SLC5A1: variants seen among roughly 807,000 people sequenced by gnomAD.
SLC5A1 encodes sodium/glucose cotransporter 1.
A neutral mutation model predicts 73.5 loss-of-function variants in SLC5A1; 42 were observed. The observed-to-expected ratio is 0.57, with a 90% CI of 0.45 to 0.74. The LOEUF is 0.74. Among genes scored for constraint, SLC5A1 ranks in the 30% least tolerant of loss-of-function variants. The pLI is 0.00. For synonymous variants in SLC5A1, 300 were observed against 317.4 expected (o/e 0.95, Z 0.58); for missense variants, 634 against 855.4 (o/e 0.74, Z 3.23).
At position 32,099,103 on chromosome 22, in the gene SLC5A1, AAAATAT is replaced by A. The variant is rs1458638971; in HGVS notation, c.1281-78_1281-73del. 9.0e-3 allele frequency: 729 copies of A among 80,604 alleles called. 1 individual carries two copies. Among genetic ancestry groups the A allele is most frequent in the African/African-American group, 0.054 (647 of 12,086 alleles). 5.0% of individuals were successfully genotyped at this position (80,604 alleles called of 1,614,324 possible). ...CTGTCTCAAAAAAAAAAAAAAAAAAAAAATATATATATATATATATATATATATACT... is the reference window on the plus strand; with the variant it reads ...CTGTCTCAAAAAAAAAAAAAAAAAAAATATATATATATATATATATATACT... On this transcript the variant is annotated intron_variant, in intron 11 of 14. Transcript: ENST00000266088.
intron 9 of SLC5A1, among the ~76,000 whole-genome samples, 176 bp from the exon 10 acceptor site, chr22:32,086,044 G>A (rs2094007629): frequency 1.3e-5 from 2 of 151,978 alleles, no homozygotes; most frequent in South Asian, 4.1e-4. Context: ...GGGAGGCTGA[G>A]GCAGGAGAAT....
chr22:32,106,745 CCTCT>C (rs1219515000), intron 14 of SLC5A1, among the ~76,000 whole-genome samples: 5 of 152,190 alleles, frequency 3.3e-5, no homozygotes, highest in African/African-American at 1.2e-4. Flanking sequence ...TGCAACTTTT[CCTCT>C]CTATGTGGGA....
rs752161228 is a variant in SLC5A1, at chr22:32,068,029, AAG to A, written c.372+4_372+5del. The A allele has an allele frequency of 4.4e-5, 71 of 1,613,378 alleles. No individual in the cohort carries two copies. Among genetic ancestry groups the A allele is most frequent in the Non-Finnish European group, 5.5e-5 (65 of 1,179,334 alleles). ...TCCCCATCTATATTAAGGCTGGGGT[AAG>A]TATCTGCTCTGTTATTTCATTTCCT... On this transcript the variant is annotated splice_donor_5th_base_variant and intron_variant, in intron 4 of 14. Coordinates refer to ENST00000266088, the MANE Select transcript of SLC5A1 (RefSeq NM_000343.4).
At chr22:32,101,493 C>T (rs9609425) in intron 12 of SLC5A1, among the ~76,000 whole-genome samples, 1 of 152,104 alleles carries the variant, frequency 6.6e-6, no homozygotes, top group African/African-American at 2.4e-5. Context: ...ACAAAGAGGG[C>T]TAAAAAAGTA....
chr22:32,044,782 C>G (rs1171543129), intron 1 of SLC5A1, among the ~76,000 whole-genome samples: 1 of 152,110 alleles, frequency 6.6e-6, no homozygotes, highest in Non-Finnish European at 1.5e-5. Flanking sequence ...ATGACTCCCC[C>G]ATGGTTGTGG....
rs879371812 is a variant in SLC5A1 at position 32,060,184 on chromosome 22, C to T, written c.208-6751C>T. ...ACACACACACACACACACACACACACACATATATATATATATTTTTTTAAG... is the reference window on the plus strand; with the variant it reads ...ACACACACACACACACACACACACATACATATATATATATATTTTTTTAAG... On this transcript the variant is annotated intron_variant, in intron 2 of 14. Coordinates refer to ENST00000266088, the MANE Select transcript of SLC5A1 (RefSeq NM_000343.4). Among the ~76,000 whole-genome samples, 347 of 107,922 alleles carry T rather than the reference C, an allele frequency of 3.2e-3. 1 individual carries two copies. Among genetic ancestry groups the T allele is most frequent in the Non-Finnish European group, 6.3e-3 (294 of 46,894 alleles). 70.8% of individuals were successfully genotyped at this position (107,922 alleles called of 152,430 possible). A position where few individuals can be genotyped will look rare whatever the true frequency, so the allele number is the denominator to read the frequency against.
chr22:32,085,900 G>T (rs1234914883), intron 9 of SLC5A1, among the ~76,000 whole-genome samples: 1 of 152,132 alleles, frequency 6.6e-6, no homozygotes, highest in Non-Finnish European at 1.5e-5. Context: ...CCAGCACTTT[G>T]GGAGGCTGAG....
Position 32,043,543 on chromosome 22 carries a change from C to T in SLC5A1, c.135+127C>T. On this transcript the variant is annotated intron_variant, in intron 1 of 14. Transcript: ENST00000266088. This position sits in a 1 kb window ranked among gnomAD's most constrained non-coding sequence, Gnocchi z 6.5. ...GGGGAGAGGAAATGACTTGGAAGCA[C>T]TTTAGAAGCACTCAGAGGCACAGCA... The T allele has an allele frequency of 9.9e-7, 1 of 1,012,990 alleles. No homozygotes were observed. The highest frequency in any genetic ancestry group is 1.5e-6 in the Non-Finnish European group (1 of 663,950). 62.8% of individuals were successfully genotyped at this position (1,012,990 alleles called of 1,614,324 possible). A position where few individuals can be genotyped will look rare whatever the true frequency, so the allele number is the denominator to read the frequency against.
Position 32,110,126 on chromosome 22 carries a change from T to A in SLC5A1, c.1908T>A (p.Ser636=), listed in dbSNP as rs941394348. 2.5e-6 allele frequency: 4 copies of A among 1,614,072 alleles called. No individual in the cohort carries two copies. The highest frequency in any genetic ancestry group is 3.4e-6 in the Non-Finnish European group (4 of 1,180,006). The change falls in exon 15 of 15, where the codon TCT becomes TCA. Residue 636 remains serine, a synonymous_variant. Coordinates refer to ENST00000266088, the MANE Select transcript of SLC5A1 (RefSeq NM_000343.4). The stretch of plus-strand genomic sequence containing the variant: ...TGAAGATGAAGATGACGGACACCTC[T>A]GAGAAGCCTTTGTGGAGGACAGTGT... ...KAMKMKMTDT[S]EKPLWRTVLN...
intron 5 of SLC5A1, among the ~76,000 whole-genome samples, chr22:32,080,538 G>C (rs2093998023): frequency 6.6e-6 from 1 of 152,166 alleles, no homozygotes. Context: ...CAAGATATAA[G>C]AGGAGATGTG....
intron 10 of SLC5A1, among the ~76,000 whole-genome samples, chr22:32,087,011 ACAAATAC>A: frequency 6.6e-6 from 1 of 152,320 alleles, no homozygotes; most frequent in East Asian, 1.9e-4. Context: ...TTAGACTCAA[ACAAATAC>A]CACATATTGT....
At chr22:32,098,986 T>C (rs1427681407) in intron 11 of SLC5A1, among the ~76,000 whole-genome samples, 197 bp from the exon 12 acceptor site, 1 of 147,872 alleles carries the variant, frequency 6.8e-6, no homozygotes, top group Admixed American at 6.8e-5. Context: ...CTCAGGAGGC[T>C]GAGGCAGGAG....
rs763713868 is a variant in SLC5A1, at chr22:32,076,134, G to A, written c.478-5732G>A. Among the ~76,000 whole-genome samples the A allele has an allele frequency of 5.9e-5, 9 of 152,324 alleles. 1 individual carries two copies. Among genetic ancestry groups the A allele is most frequent in the African/African-American group, 1.9e-4 (8 of 41,576 alleles). The stretch of plus-strand genomic sequence containing the variant: ...CACGAAGGCTTGGGGAGAATGTAGG[G>A]ATCCAGTGGGGTTGTAATTAATGGG... On this transcript the variant is annotated intron_variant, in intron 5 of 14. Transcript: ENST00000266088.
At chr22:32,061,260 C>T (rs1158135445) in intron 2 of SLC5A1, among the ~76,000 whole-genome samples, 2 of 152,134 alleles carry the variant, frequency 1.3e-5, no homozygotes, top group Non-Finnish European at 2.9e-5. Context: ...CCTGTCTCTA[C>T]TAAAATTAGC....
In SLC5A1 at chr22:32,111,035, T is replaced by G. The variant is rs1487013369; in HGVS notation, c.*822T>G. The G allele has an allele frequency of 2.0e-5, 3 of 152,320 alleles. No homozygotes were observed. The highest frequency in any genetic ancestry group is 4.4e-5 in the Non-Finnish European group (3 of 68,120). 9.4% of individuals were successfully genotyped at this position (152,320 alleles called of 1,614,324 possible). On this transcript the variant is annotated 3_prime_UTR_variant, in exon 15 of 15. Coordinates refer to ENST00000266088, the MANE Select transcript of SLC5A1 (RefSeq NM_000343.4). ...CATTTATTTTTAAATCTTTGCTTGC[T>G]TTTTACATGAGCCTGGCCCTTAGTT... is the stretch of plus-strand genomic sequence containing the variant.
Position 32,099,286 on chromosome 22 carries a change from T to C in SLC5A1, c.1384T>C (p.Tyr462His), listed in dbSNP as rs1167402497. The C allele has an allele frequency of 6.2e-7, 1 of 1,613,790 alleles. No individual in the cohort carries two copies. Among genetic ancestry groups the C allele is most frequent in the Non-Finnish European group, 8.5e-7 (1 of 1,179,904 alleles). Residue 462 changes from tyrosine (Y) to histidine (H), a missense_variant, in exon 12 of 15, where the codon TAC becomes CAC. Tyr to His is a moderately conservative substitution (Grantham distance 83). This residue lies in a region of SLC5A1 where 422 missense variants were observed against 626.1 expected (regional missense o/e 0.67). Transcript: ENST00000266088. The stretch of plus-strand genomic sequence containing the variant: ...CGATTACATCCAGTCCATCACCAGT[T>C]ACTTGGGACCACCCATTGCGGCTGT... ...LFDYIQSITS[Y>H]LGPPIAAVFL...
At position 32,067,954 on chromosome 22, in the gene SLC5A1, G is replaced by A. The variant is rs1257991059; in HGVS notation, c.313-13G>A. ...TCCTCCTAATTTGAGTCCACCTTTT[G>A]TGTTCATTTCAGGCCCTGGTTTTGG... On this transcript the variant is annotated splice_polypyrimidine_tract_variant and intron_variant, in intron 3 of 14. Coordinates refer to ENST00000266088, the MANE Select transcript of SLC5A1 (RefSeq NM_000343.4). The A allele has an allele frequency of 2.5e-6, 4 of 1,613,988 alleles. No homozygotes were observed. The highest frequency in any genetic ancestry group is 1.3e-5 in the African/African-American group (1 of 74,928).
chr22:32,080,541 G>A (rs2093998044), intron 5 of SLC5A1, among the ~76,000 whole-genome samples: 1 of 152,144 alleles, frequency 6.6e-6, no homozygotes, highest in Non-Finnish European at 1.5e-5. Flanking sequence ...GATATAAGAG[G>A]AGATGTGAGA....
intron 5 of SLC5A1, among the ~76,000 whole-genome samples, chr22:32,081,572 CAA>C (rs927372219): frequency 4.6e-5 from 7 of 152,054 alleles, no homozygotes; most frequent in Non-Finnish European, 1.0e-4. Flanking sequence ...TGTTCCTTGG[CAA>C]AAAGAGTTCA....
Sources: allele counts gnomAD v4.1 joint callset (sites outside exome capture counted in the v4.1 genomes callset), GRCh38; gene constraint gnomAD v4.1.1; regional missense constraint gnomAD v4.1.1; non-coding constraint Gnocchi (gnomAD v3.1); transcripts MANE v1.5; gene names NCBI Gene and HGNC (gene_info 2026-07-23, HGNC 2026-07-21).